Variants in NAP1L1 observed in about 807,000 individuals in gnomAD.
NAP1L1 encodes nucleosome assembly protein 1 like 1, also known as nucleosome assembly protein 1-like 1.
NAP1L1 carries 9 observed loss-of-function variants against 58.9 expected under a neutral mutation model. The observed-to-expected ratio is 0.15, with a 90% CI of 0.09 to 0.27. NAP1L1 has a LOEUF of 0.27. Among genes scored for constraint, NAP1L1 ranks in the 10% least tolerant of loss-of-function variants. NAP1L1 has a pLI of 1.00. For missense variants in NAP1L1, 302 were observed against 458.8 expected, an observed-to-expected ratio of 0.66 and a Z score of 3.12; for synonymous variants, 130 against 138.3, an observed-to-expected ratio of 0.94 and a Z score of 0.42.
Position 76,058,191 on chromosome 12 carries a change from C to CTTCATATA in NAP1L1, c.429+1606_429+1607insTATATGAA, listed in dbSNP as rs1243475241. The CTTCATATA allele has an allele frequency of 1.4e-3, 455 of 315,520 alleles. 22 individuals are homozygous for CTTCATATA. The African/African-American group carries it at 0.019, about 13-fold the overall frequency. The allele number at this position is 315,520 out of a possible 1,614,324, so 19.5% of individuals were successfully genotyped here. A position where few individuals can be genotyped will look rare whatever the true frequency, so the allele number is the denominator to read the frequency against. On this transcript the variant is annotated intron_variant, in intron 6 of 14. Transcript: ENST00000618691. ...TAGATATGGCCAAAGGGAGAGAGGC[C>CTTCATATA]TACATATATATATATATATATATAT... is the stretch of plus-strand genomic sequence containing the variant.
At chr12:76,074,575 G>C (rs1950103463) in intron 1 of NAP1L1, among the ~76,000 whole-genome samples, 1 of 152,096 alleles carries the variant, frequency 6.6e-6, no homozygotes, top group African/African-American at 2.4e-5. Flanking sequence ...AGTACAAAAG[G>C]ATCTTCATTC....
intron 4 of NAP1L1, among the ~76,000 whole-genome samples, chr12:76,063,626 C>T (rs757779137): frequency 4.6e-5 from 7 of 151,956 alleles, no homozygotes; most frequent in Non-Finnish European, 7.4e-5. Context: ...GGCAAAACCC[C>T]ATCTCTACAA....
intron 4 of NAP1L1, among the ~76,000 whole-genome samples, chr12:76,066,663 C>G (rs982945457): frequency 6.6e-6 from 1 of 151,976 alleles, no homozygotes. Flanking sequence ...TGGATGGTGC[C>G]AATTGTTGGC....
intron 7 of NAP1L1, 89 bp downstream of exon 7, chr12:76,055,944 T>C (rs758935068): frequency 3.8e-4 from 510 of 1,340,648 alleles, no homozygotes; most frequent in Non-Finnish European, 5.2e-4. Flanking sequence ...TCTAGAAAGA[T>C]CAACACTGAA....
rs60701145 is a variant in NAP1L1 at position 76,051,330 on chromosome 12, TA to T, written c.937-678del. Among the ~76,000 whole-genome samples the T allele has an allele frequency of 3.6e-3, 521 of 146,540 alleles. 3 individuals are homozygous for T. The highest frequency in any genetic ancestry group is 0.012 in the African/African-American group (494 of 39,718). On this transcript the variant is annotated intron_variant, in intron 11 of 14. Transcript: ENST00000618691. The stretch of plus-strand genomic sequence containing the variant: ...TTATTGAAAACACCAAATAGAAAAA[TA>T]AAAAAAAAAACCCTTGGGTTATTGT...
intron 3 of NAP1L1, 110 bp from the exon 4 acceptor site, chr12:76,067,583 G>A: frequency 3.9e-6 from 3 of 776,682 alleles, no homozygotes; most frequent in South Asian, 3.5e-5. Context: ...ATAAATTGCT[G>A]GTATATCTAA....
intron 4 of NAP1L1, among the ~76,000 whole-genome samples, chr12:76,062,437 G>C (rs976034059): frequency 5.9e-5 from 9 of 152,120 alleles, no homozygotes; most frequent in Non-Finnish European, 1.3e-4. Context: ...AGAATAACTA[G>C]AAACTTCAAG....
At chr12:76,077,611 T>A (rs1950228669) in intron 1 of NAP1L1, among the ~76,000 whole-genome samples, 1 of 152,152 alleles carries the variant, frequency 6.6e-6, no homozygotes, top group Non-Finnish European at 1.5e-5. Context: ...TTGTTATACA[T>A]TAAATTGCAT....
chr12:76,070,636 C>G (rs756804835), intron 2 of NAP1L1, among the ~76,000 whole-genome samples: 8 of 152,246 alleles, frequency 5.3e-5, no homozygotes, highest in East Asian at 1.9e-4. Context: ...CACAGATGCA[C>G]TACATTTATG....
Position 76,036,880 on chromosome 12 carries a change from C to T in NAP1L1, c.*11549G>A, listed in dbSNP as rs1871052937. ...CTGAGGTCAGGAGCTCGACACAAGT[C>T]TGGCCAACATGGTGAAACCCCGTCT... On this transcript the variant is annotated 3_prime_UTR_variant, in exon 15 of 15. Coordinates refer to ENST00000618691, the MANE Select transcript of NAP1L1 (RefSeq NM_004537.7). The T allele has an allele frequency of 6.6e-6, 1 of 150,472 alleles. No homozygotes were observed. The allele number at this position is 150,472 out of a possible 1,614,324, so 9.3% of individuals were successfully genotyped here.
intron 7 of NAP1L1, among the ~76,000 whole-genome samples, chr12:76,055,614 T>A (rs1949047473): frequency 6.6e-6 from 1 of 152,344 alleles, no homozygotes; most frequent in Middle Eastern, 3.4e-3. Flanking sequence ...ACAACAGTTA[T>A]GGTTTGCCAG....
At chr12:76,079,630 GGT>G (rs2137113302) in intron 1 of NAP1L1, among the ~76,000 whole-genome samples, 2 of 151,634 alleles carry the variant, frequency 1.3e-5, no homozygotes, top group South Asian at 4.2e-4. Context: ...ATACATATAT[GGT>G]GTGTATAAGA....
chr12:76,062,915 G>A (rs551371155), intron 4 of NAP1L1, among the ~76,000 whole-genome samples: 3 of 151,922 alleles, frequency 2.0e-5, no homozygotes, highest in Admixed American at 6.6e-5. Context: ...CAGTGAGAAA[G>A]AATAACCTAC....
chr12:76,072,133 C>G (rs1447158970), intron 2 of NAP1L1, among the ~76,000 whole-genome samples: 1 of 150,462 alleles, frequency 6.6e-6, no homozygotes, highest in Non-Finnish European at 1.5e-5. Flanking sequence ...CCAATCCAAT[C>G]TTAATGAGCA....
In NAP1L1 at chr12:76,043,764, T is replaced by C. The variant is rs924672025; in HGVS notation, c.*4665A>G. ...TTCTTCCTCTCACTTCACAAATTCC[T>C]ACAGATTCTCAAAATCTCAGCTAAA... is the stretch of plus-strand genomic sequence containing the variant. On this transcript the variant is annotated 3_prime_UTR_variant, in exon 15 of 15. Transcript: ENST00000618691. 6.6e-6 allele frequency: 1 copy of C among 152,186 alleles called. No homozygotes were observed. The highest frequency in any genetic ancestry group is 6.5e-5 in the Admixed American group (1 of 15,270). The allele number at this position is 152,186 out of a possible 1,614,324, so 9.4% of individuals were successfully genotyped here.
Position 76,048,325 on chromosome 12 carries a change from C to T in NAP1L1, c.*104G>A, listed in dbSNP as rs1948669032. The T allele has an allele frequency of 1.5e-6, 2 of 1,317,728 alleles. No individual in the cohort carries two copies. The highest frequency in any genetic ancestry group is 2.1e-6 in the Non-Finnish European group (2 of 942,062). 81.6% of individuals were successfully genotyped at this position (1,317,728 alleles called of 1,614,324 possible). A position where few individuals can be genotyped will look rare whatever the true frequency, so the allele number is the denominator to read the frequency against. On this transcript the variant is annotated 3_prime_UTR_variant, in exon 15 of 15. Coordinates refer to ENST00000618691, the MANE Select transcript of NAP1L1 (RefSeq NM_004537.7). ...TTTCCTGTCCTTTAAAAAAAAATTA[C>T]CTAGTCTACCAAGAAAATACAAAAA...
At chr12:76,076,288 C>T (rs183485790) in intron 1 of NAP1L1, among the ~76,000 whole-genome samples, 1 of 152,204 alleles carries the variant, frequency 6.6e-6, no homozygotes, top group African/African-American at 2.4e-5. Flanking sequence ...ATGTCTCAGT[C>T]TGTAATTATA....
intron 5 of NAP1L1, 43 bp from the exon 6 acceptor site, chr12:76,059,921 A>G: frequency 6.9e-7 from 1 of 1,450,520 alleles, no homozygotes. Context: ...AAACACTGGC[A>G]TCCAAGCTAA....
chr12:76,056,102 GTCT>G lies in NAP1L1; in HGVS notation c.486_488del (p.Glu162del). The G allele has an allele frequency of 6.2e-7, 1 of 1,612,778 alleles. No individual in the cohort carries two copies. The highest frequency in any genetic ancestry group is 8.5e-7 in the Non-Finnish European group (1 of 1,179,484). ...ACCAAAATTCAGGAATTCCTTTGGG[GTCT>G]TCTTTTTCTTCATCTTTTTTCTCAT... On this transcript the variant is annotated inframe_deletion, in exon 7 of 15. Transcript: ENST00000618691.
Sources: allele counts gnomAD v4.1 joint callset (sites outside exome capture counted in the v4.1 genomes callset), GRCh38; gene constraint gnomAD v4.1.1; transcripts MANE v1.5; gene names NCBI Gene and HGNC (gene_info 2026-07-23, HGNC 2026-07-21).